Variants in AKIP1 observed in about 807,000 individuals in gnomAD.
AKIP1 encodes A-kinase interacting protein 1, also known as A-kinase-interacting protein 1.
In AKIP1, 18 loss-of-function variants were observed where a neutral mutation model predicts 22.3. The ratio of observed to expected loss-of-function variants is 0.81; its 90% CI spans 0.56 to 1.19. The LOEUF (loss-of-function observed/expected upper bound fraction) is 1.19. Among genes scored for constraint, AKIP1 ranks in the 50% most tolerant of loss-of-function variants. The pLI is 0.00. For missense variants in AKIP1, 287 were observed against 264.6 expected (o/e 1.08, Z -0.59); for synonymous variants, 120 against 102.7 (o/e 1.17, Z -1.02).
intron 5 of AKIP1, chr11:8,917,936 C>G (rs1357696780): frequency 6.5e-6 from 1 of 154,972 alleles, no homozygotes; most frequent in Non-Finnish European, 1.4e-5. Flanking sequence ...AGGAAAGGAA[C>G]TTCATTCAGC....
intron 4 of AKIP1, among the ~76,000 whole-genome samples, chr11:8,915,132 T>C (rs1311631301): frequency 7.2e-5 from 11 of 152,104 alleles, no homozygotes; most frequent in Admixed American, 6.5e-4. Context: ...AAATATAAGA[T>C]TGATGCCACT....
chr11:8,915,110 G>A (rs1019426676), intron 4 of AKIP1, among the ~76,000 whole-genome samples, 180 bp downstream of exon 4: 2 of 152,154 alleles, frequency 1.3e-5, no homozygotes, highest in Non-Finnish European at 1.5e-5. Flanking sequence ...ACATGAAATA[G>A]GAGGTTGTCA....
chr11:8,915,358 C>CTTTTT (rs559350653), intron 4 of AKIP1, among the ~76,000 whole-genome samples: 27 of 83,972 alleles, frequency 3.2e-4, no homozygotes, highest in African/African-American at 1.2e-3. Flanking sequence ...TTTTTTTTTT[C>CTTTTT]TTTTTTTTTT....
intron 2 of AKIP1, 90 bp downstream of exon 2, chr11:8,911,761 G>C (rs2064358693): frequency 1.3e-5 from 17 of 1,294,516 alleles, no homozygotes; most frequent in Admixed American, 2.9e-5. Flanking sequence ...AAGCAGCTGA[G>C]GAAACCTTCC....
chr11:8,917,611 G>C (rs2064506735), intron 5 of AKIP1: 1 of 531,148 alleles, frequency 1.9e-6, no homozygotes, highest in Admixed American at 3.1e-5. Context: ...TGGTTGGAAA[G>C]AATGTGAAGT....
At chr11:8,915,347 A>ATTTTTTTTTCTTT (rs2064463968) in intron 4 of AKIP1, among the ~76,000 whole-genome samples, 1 of 105,134 alleles carries the variant, frequency 9.5e-6, no homozygotes, top group Non-Finnish European at 1.9e-5. Context: ...TAGGGATAGG[A>ATTTTTTTTTCTTT]TTTTTTTTTT....
intron 4 of AKIP1, 93 bp downstream of exon 4, chr11:8,915,023 G>T (rs1307698508): frequency 1.9e-5 from 18 of 939,304 alleles, no homozygotes; most frequent in Non-Finnish European, 3.0e-5. Context: ...TGTGTCACTG[G>T]ATGCCCGTGT....
At chr11:8,911,752 A>T (rs1468559909) in intron 2 of AKIP1, 81 bp downstream of exon 2, 1 of 1,366,142 alleles carries the variant, frequency 7.3e-7, no homozygotes, top group Admixed American at 2.9e-5. Flanking sequence ...GCAGCGCAGA[A>T]GCAGCTGAGG....
rs1566103037 is a variant in AKIP1 at position 8,912,485 on chromosome 11, CT to C, written c.257del (p.Phe86SerfsTer47). 2 of 1,614,140 alleles carry C rather than the reference CT, an allele frequency of 1.2e-6. No homozygotes were observed. The highest frequency in any genetic ancestry group is 2.2e-5 in the East Asian group (1 of 44,878). On this transcript the variant is annotated frameshift_variant, in exon 3 of 6. Transcript: ENST00000309377. LOFTEE classifies it high-confidence loss of function. ...AGAGACCCCCAACCCTTAGTGCTTCCTTCAGAACAATGGCTGAATTCATGGA... is the reference window on the plus strand; with the variant it reads ...AGAGACCCCCAACCCTTAGTGCTTCCTCAGAACAATGGCTGAATTCATGGA... ...EERPPTLSASFRTMAEFMDYT... is the reference protein window; with the variant it reads ...EERPPTLSASXRTMAEFMDYT...
chr11:8,915,905 G>C (rs543426731), intron 4 of AKIP1, among the ~76,000 whole-genome samples: 2 of 146,566 alleles, frequency 1.4e-5, no homozygotes, highest in African/African-American at 5.0e-5. Context: ...CTCACTGCAA[G>C]CTCTGCCTCC....
intron 3 of AKIP1, among the ~76,000 whole-genome samples, chr11:8,914,272 C>A (rs567936043): frequency 1.1e-4 from 16 of 152,158 alleles, no homozygotes; most frequent in Non-Finnish European, 2.1e-4. Flanking sequence ...AACTGTTTTC[C>A]GATCTTTCGG....
At chr11:8,912,214 A>G (rs1408846564) in intron 2 of AKIP1, among the ~76,000 whole-genome samples, 1 of 152,022 alleles carries the variant, frequency 6.6e-6, no homozygotes, top group East Asian at 1.9e-4. Context: ...AAAAAAAAAA[A>G]AAAAAATCTT....
In AKIP1 at chr11:8,911,505, A is replaced by G. The variant is rs778965463; in HGVS notation, c.56A>G (p.Gln19Arg). 4.4e-6 allele frequency: 7 copies of G among 1,609,068 alleles called. No homozygotes were observed. The highest frequency in any genetic ancestry group is 5.9e-6 in the Non-Finnish European group (7 of 1,178,164). ...ALNGVDRRSLQRSARLALEVL... is the reference protein window; with the variant it reads ...ALNGVDRRSLRRSARLALEVL... ...AATGGGGTGGACCGACGTTCCCTGC[A>G]GCGTTCAGCAAGGCTGGCTCTAGAA... Residue 19 changes from glutamine to arginine, a missense_variant, in exon 2 of 6, where the codon CAG becomes CGG. Coordinates refer to ENST00000309377, the MANE Select transcript of AKIP1 (RefSeq NM_020642.4).
chr11:8,914,354 A>G (rs1478590057), intron 3 of AKIP1, among the ~76,000 whole-genome samples: 1 of 152,226 alleles, frequency 6.6e-6, no homozygotes, highest in Non-Finnish European at 1.5e-5. Flanking sequence ...AAAGGGCTGC[A>G]GAGCAGCTCT....
rs568484526 is a variant in AKIP1, at chr11:8,912,921, C to T, written c.303+388C>T. 7.0e-4 allele frequency among the ~76,000 whole-genome samples: 85 copies of T among 121,992 alleles called. 1 individual carries two copies. The highest frequency in any genetic ancestry group is 2.5e-3 in the African/African-American group (81 of 32,614). The allele number at this position is 121,992 out of a possible 152,430, so 80.0% of individuals were successfully genotyped here. A position where few individuals can be genotyped will look rare whatever the true frequency, so the allele number is the denominator to read the frequency against. ...ACAGAGGCTTGCTCTGTGGCACAGG[C>T]TGGAGTGCAGTGGTGTGATCTCGGC... On this transcript the variant is annotated intron_variant, in intron 3 of 5. Coordinates refer to ENST00000309377, the MANE Select transcript of AKIP1 (RefSeq NM_020642.4).
chr11:8,914,933 A>G lies in AKIP1; in HGVS notation c.408+3A>G, dbSNP rs770828800. 8 of 1,608,672 alleles carry G rather than the reference A, an allele frequency of 5.0e-6. No homozygotes were observed. The highest frequency in any genetic ancestry group is 1.1e-5 in the South Asian group (1 of 90,976). ...GCTTGGACATAGGGAATGGTCAGGT[A>G]AGTGTACTCAACTGTCCTGCACCAT... On this transcript the variant is annotated splice_donor_region_variant and intron_variant, in intron 4 of 5. Coordinates refer to ENST00000309377, the MANE Select transcript of AKIP1 (RefSeq NM_020642.4).
chr11:8,914,156 G>C (rs1450171603), intron 3 of AKIP1, among the ~76,000 whole-genome samples: 4 of 152,202 alleles, frequency 2.6e-5, no homozygotes, highest in African/African-American at 9.6e-5. Flanking sequence ...TAGACAGTGT[G>C]CCTACCCTGT....
chr11:8,916,663 C>T (rs1416387086), intron 4 of AKIP1, among the ~76,000 whole-genome samples: 1 of 152,132 alleles, frequency 6.6e-6, no homozygotes, highest in African/African-American at 2.4e-5. Context: ...AGTGCACACT[C>T]GAAGCACCTC....
At chr11:8,913,069 C>T (rs1199887669) in intron 3 of AKIP1, among the ~76,000 whole-genome samples, 1 of 148,386 alleles carries the variant, frequency 6.7e-6, no homozygotes, top group African/African-American at 2.5e-5. Flanking sequence ...TTAGTAGAGA[C>T]GGGGTTTCAC....
Sources: gnomAD v4.1 joint callset for allele counts (sites outside exome capture counted in the v4.1 genomes callset) on GRCh38, gnomAD v4.1.1 for gene constraint, MANE v1.5 for transcripts, NCBI Gene and HGNC (gene_info 2026-07-23, HGNC 2026-07-21) for gene names.